The following WDR11 variants were observed in gnomAD, a reference collection of about 807,000 sequenced individuals.
WDR11 encodes WD repeat-containing protein 11.
In WDR11, 83 loss-of-function variants were observed where a neutral mutation model predicts 151.2. The ratio of observed to expected loss-of-function variants is 0.55; its 90% CI spans 0.46 to 0.66. WDR11 has a LOEUF of 0.66. Among genes scored for constraint, WDR11 ranks in the 30% least tolerant of loss-of-function variants. The pLI is 0.00. For missense variants in WDR11, 1,301 were observed against 1,480.9 expected (o/e 0.88, Z 1.99); for synonymous variants, 484 against 533.1 (o/e 0.91, Z 1.27).
intron 28 of WDR11, chr10:120,908,095 A>G: frequency 5.5e-6 from 1 of 181,134 alleles, no homozygotes; most frequent in Non-Finnish European, 1.2e-5. Flanking sequence ...AAAAATAAAT[A>G]AAAAAAAACC....
At chr10:120,874,790 CTCTT>C (rs1487961918) in intron 11 of WDR11, among the ~76,000 whole-genome samples, 2 of 149,712 alleles carry the variant, frequency 1.3e-5, no homozygotes, top group African/African-American at 4.9e-5. Flanking sequence ...ACCACATTTC[CTCTT>C]TCTTTTTTTT....
At chr10:120,857,179 C>A (rs1167621864) in intron 2 of WDR11, among the ~76,000 whole-genome samples, 1 of 152,090 alleles carries the variant, frequency 6.6e-6, no homozygotes, top group African/African-American at 2.4e-5. Flanking sequence ...ACAGTGAAGT[C>A]ACCAGCAAAA....
intron 5 of WDR11, 129 bp downstream of exon 5, chr10:120,863,050 A>AG (rs2133740522): frequency 2.9e-6 from 2 of 696,340 alleles, no homozygotes; most frequent in East Asian, 5.4e-5. Context: ...AATTTATTAG[A>AG]GGAAAAAAAT....
At position 120,908,959 on chromosome 10, in the gene WDR11, C is replaced by T. The variant is rs879375912; in HGVS notation, c.*246C>T. ...TTTTGAAAGTACATAATATTTTATA[C>T]TTTGGGAGAGAGCTTTAAGAGTCCC... On this transcript the variant is annotated 3_prime_UTR_variant, in exon 29 of 29. Transcript: ENST00000263461. 4 of 515,018 alleles carry T rather than the reference C, an allele frequency of 7.8e-6. No individual in the cohort carries two copies. Among genetic ancestry groups the T allele is most frequent in the Admixed American group, 3.3e-5 (1 of 30,550 alleles). The allele number at this position is 515,018 out of a possible 1,614,324, so 31.9% of individuals were successfully genotyped here.
intron 19 of WDR11, 109 bp downstream of exon 19, chr10:120,890,996 C>T (rs776628354): frequency 4.1e-6 from 5 of 1,217,974 alleles, no homozygotes; most frequent in Non-Finnish European, 4.8e-6. Context: ...GTCTTATTTT[C>T]TTAGAATCTG....
rs1847327018 is a variant in WDR11 at position 120,889,100 on chromosome 10, G to C, written c.2144G>C (p.Cys715Ser). Residue 715 changes from cysteine to serine, a missense_variant, in exon 17 of 29, where the codon TGC (cysteine) becomes TCC (serine). By Grantham distance (112) the Cys-to-Ser change is moderately radical. Transcript: ENST00000263461. ...PPDGSMGSIT[C>S]IAWKGDTLVL... The stretch of plus-strand genomic sequence containing the variant: ...TAGGGAAGTATGGGTAGTATTACCT[G>C]CATCGCTTGGAAAGGTGATACATTA... 5.0e-6 allele frequency: 8 copies of C among 1,613,634 alleles called. No individual in the cohort carries two copies. Among genetic ancestry groups the C allele is most frequent in the Non-Finnish European group, 6.8e-6 (8 of 1,179,692 alleles).
At chr10:120,906,994 A>C in intron 28 of WDR11, 139 bp downstream of exon 28, 2 of 1,328,544 alleles carry the variant, frequency 1.5e-6, no homozygotes, top group Non-Finnish European at 2.1e-6. Context: ...TGATTCACCA[A>C]AGCCAGGAAA....
chr10:120,858,846 G>T (rs759164441), intron 3 of WDR11, 50 bp downstream of exon 3: 1 of 1,611,768 alleles, frequency 6.2e-7, no homozygotes, highest in Non-Finnish European at 8.5e-7. Context: ...ACTTACTCTT[G>T]GAGTGGTTTT....
intron 10 of WDR11, 142 bp downstream of exon 10, chr10:120,871,488 G>A: frequency 1.3e-6 from 1 of 746,988 alleles, no homozygotes; most frequent in South Asian, 1.9e-5. Context: ...TACTCATCCT[G>A]GAACTTAAAA....
At chr10:120,906,249 A>G in intron 27 of WDR11, 1 of 1,402,218 alleles carries the variant, frequency 7.1e-7, no homozygotes, top group Non-Finnish European at 9.2e-7. Context: ...ATCAGACTTA[A>G]CAGGCACCTA....
At position 120,906,237 on chromosome 10, in the gene WDR11, T is replaced by A. The variant is rs1670538554; in HGVS notation, c.3437+216T>A. On this transcript the variant is annotated intron_variant, in intron 27 of 28. Coordinates refer to ENST00000263461, the MANE Select transcript of WDR11 (RefSeq NM_018117.12). Reference sequence around the variant, plus strand: ...CTATGCTAGTTTCCTACTAATATGCTGATCAGACTTAACAGGCACCTAGTA... The same window carrying A: ...CTATGCTAGTTTCCTACTAATATGCAGATCAGACTTAACAGGCACCTAGTA... 9.1e-6 allele frequency: 13 copies of A among 1,435,138 alleles called. No homozygotes were observed. In the South Asian group the frequency reaches 1.7e-4, roughly 19 times the overall value. The allele number at this position is 1,435,138 out of a possible 1,614,324, so 88.9% of individuals were successfully genotyped here. A position where few individuals can be genotyped will look rare whatever the true frequency, so the allele number is the denominator to read the frequency against.
chr10:120,882,277 T>G (rs1189260180), intron 13 of WDR11, among the ~76,000 whole-genome samples: 1 of 152,084 alleles, frequency 6.6e-6, no homozygotes, highest in Non-Finnish European at 1.5e-5. Context: ...TGATATATTA[T>G]TAAGAGTTTT....
intron 28 of WDR11, chr10:120,908,104 C>T (rs1030668988): frequency 5.5e-6 from 1 of 183,114 alleles, no homozygotes; most frequent in Non-Finnish European, 1.2e-5. Flanking sequence ...TAAAAAAAAA[C>T]CAATAGGACA....
At chr10:120,865,535 T>C (rs1846281730) in intron 6 of WDR11, 95 bp from the exon 7 acceptor site, 1 of 844,156 alleles carries the variant, frequency 1.2e-6, no homozygotes, top group Non-Finnish European at 1.9e-6. Context: ...TTTTTTTTCT[T>C]TTGCCCATAT....
intron 16 of WDR11, among the ~76,000 whole-genome samples, chr10:120,888,023 G>A (rs1847284625): frequency 6.6e-6 from 1 of 151,884 alleles, no homozygotes; most frequent in South Asian, 2.1e-4. Flanking sequence ...AGTTTTTACG[G>A]TATTCAGTGT....
In WDR11 at chr10:120,880,926, C is replaced by T. The variant is rs183913506; in HGVS notation, c.1739+25C>T. 178 of 1,558,594 alleles carry T rather than the reference C, an allele frequency of 1.1e-4. No homozygotes were observed. In the African/African-American group the frequency reaches 2.2e-3, roughly 19 times the overall value. The stretch of plus-strand genomic sequence containing the variant: ...AGTAAGTGTCAACCTAAAAAAAAAT[C>T]TATGGTGTTATCACAATGAAATCTC... On this transcript the variant is annotated intron_variant, in intron 13 of 28. Coordinates refer to ENST00000263461, the MANE Select transcript of WDR11 (RefSeq NM_018117.12).
intron 11 of WDR11, among the ~76,000 whole-genome samples, chr10:120,877,849 G>A (rs564591469): frequency 4.6e-5 from 7 of 152,290 alleles, no homozygotes; most frequent in Admixed American, 2.6e-4. Flanking sequence ...CACAAAGTGT[G>A]TGTGTTTTTA....
At chr10:120,895,081 TAAA>T (rs1173000682) in intron 19 of WDR11, among the ~76,000 whole-genome samples, 7 of 152,238 alleles carry the variant, frequency 4.6e-5, no homozygotes, top group African/African-American at 1.7e-4. Flanking sequence ...TTGCATGATG[TAAA>T]CACTCGATGC....
intron 2 of WDR11, among the ~76,000 whole-genome samples, chr10:120,855,924 G>C (rs1442279046): frequency 6.6e-6 from 1 of 152,164 alleles, no homozygotes; most frequent in Non-Finnish European, 1.5e-5. Context: ...CTCTTGTCCT[G>C]TTCCTGAGCT....
Sources: allele counts gnomAD v4.1 joint callset (sites outside exome capture counted in the v4.1 genomes callset), GRCh38; gene constraint gnomAD v4.1.1; transcripts MANE v1.5; gene names NCBI Gene and HGNC (gene_info 2026-07-23, HGNC 2026-07-21).